TRIM71: variants seen among roughly 807,000 people sequenced by gnomAD.
TRIM71 encodes the protein tripartite motif containing 71, also known as E3 ubiquitin-protein ligase TRIM71.
A neutral mutation model predicts 61.2 loss-of-function variants in TRIM71; 9 were observed. That is an observed-to-expected ratio of 0.15 (90% CI 0.09 to 0.26). The LOEUF is 0.26. Ranked by LOEUF, TRIM71 falls within the 10% of genes least tolerant of loss-of-function variation. TRIM71 has a pLI of 1.00. For synonymous variants in TRIM71, 645 were observed against 553.2 expected (o/e 1.17, Z -2.33); for missense variants, 998 against 1,238.7 (o/e 0.81, Z 2.92).
chr3:32,867,312 AAAG>A, intron 1 of TRIM71, among the ~76,000 whole-genome samples: 2 of 152,362 alleles, frequency 1.3e-5, no homozygotes, highest in African/African-American at 4.8e-5. Context: ...TGGGACTGCA[AAAG>A]AACATTAGTT....
chr3:32,859,330 G>T (rs1449306959), intron 1 of TRIM71, among the ~76,000 whole-genome samples: 1 of 152,138 alleles, frequency 6.6e-6, no homozygotes, highest in African/African-American at 2.4e-5. Context: ...CGTGATGTCG[G>T]CTCACTGCAA....
chr3:32,894,752 C>T lies in TRIM71; in HGVS notation c.*2941C>T, dbSNP rs1183508823. The T allele has an allele frequency of 6.6e-6, 1 of 152,158 alleles. No homozygotes were observed. Among genetic ancestry groups the T allele is most frequent in the Non-Finnish European group, 1.5e-5 (1 of 68,032 alleles). The allele number at this position is 152,158 out of a possible 1,614,324, so 9.4% of individuals were successfully genotyped here. A position where few individuals can be genotyped will look rare whatever the true frequency, so the allele number is the denominator to read the frequency against. Reference sequence around the variant, plus strand: ...TAAATCAAAGAAAGATGATAAAAGCCAACATTTGGCAGTCCCTAGTGTGAA... The same window carrying T: ...TAAATCAAAGAAAGATGATAAAAGCTAACATTTGGCAGTCCCTAGTGTGAA... On this transcript the variant is annotated 3_prime_UTR_variant, in exon 4 of 4. Coordinates refer to ENST00000383763, the MANE Select transcript of TRIM71 (RefSeq NM_001039111.3).
intron 1 of TRIM71, among the ~76,000 whole-genome samples, chr3:32,866,271 T>TG: frequency 6.6e-6 from 1 of 152,088 alleles, no homozygotes; most frequent in African/African-American, 2.4e-5. Flanking sequence ...TGTTTTGAGA[T>TG]GGAGTCTTGC....
chr3:32,819,837 GA>G (rs755773642), intron 1 of TRIM71, among the ~76,000 whole-genome samples: 7 of 152,238 alleles, frequency 4.6e-5, no homozygotes, highest in Non-Finnish European at 1.0e-4. Flanking sequence ...GACTTCCTTG[GA>G]AAAGACCAAG....
At chr3:32,867,042 G>A (rs953047370) in intron 1 of TRIM71, among the ~76,000 whole-genome samples, 21 of 151,978 alleles carry the variant, frequency 1.4e-4, no homozygotes, top group African/African-American at 4.8e-4. Flanking sequence ...CAGAGATAAC[G>A]GCATCCCTCT....
chr3:32,889,914 A>G (rs1039565824), intron 3 of TRIM71, among the ~76,000 whole-genome samples: 2 of 152,012 alleles, frequency 1.3e-5, no homozygotes, highest in East Asian at 1.9e-4. Context: ...GTATGTATGT[A>G]TGTATGTGTA....
At chr3:32,826,972 G>A (rs1696210226) in intron 1 of TRIM71, among the ~76,000 whole-genome samples, 1 of 151,478 alleles carries the variant, frequency 6.6e-6, no homozygotes, top group Non-Finnish European at 1.5e-5. Context: ...CACTGTGTTA[G>A]CCAGGATGGT....
intron 2 of TRIM71, among the ~76,000 whole-genome samples, chr3:32,876,122 T>A (rs1559549023): frequency 6.6e-6 from 1 of 152,236 alleles, no homozygotes; most frequent in African/African-American, 2.4e-5. Flanking sequence ...TGTCTTCACC[T>A]GTGCATCATT....
At chr3:32,834,797 G>A (rs374513150) in intron 1 of TRIM71, among the ~76,000 whole-genome samples, 4 of 152,038 alleles carry the variant, frequency 2.6e-5, no homozygotes, top group African/African-American at 4.8e-5. Flanking sequence ...AGCCGAGATC[G>A]CACGGCTGCA....
intron 1 of TRIM71, among the ~76,000 whole-genome samples, chr3:32,871,755 C>T (rs1297223766): frequency 6.6e-6 from 1 of 152,234 alleles, no homozygotes; most frequent in Non-Finnish European, 1.5e-5. Context: ...CAAGTTGCTG[C>T]TACCTGGTTT....
chr3:32,851,412 TTAGCG>T (rs1435966210), intron 1 of TRIM71, among the ~76,000 whole-genome samples: 17 of 152,350 alleles, frequency 1.1e-4, no homozygotes, highest in Admixed American at 9.2e-4. Context: ...CTTTGAAGAC[TTAGCG>T]TTGTCCTCCT....
intron 1 of TRIM71, among the ~76,000 whole-genome samples, chr3:32,851,000 ATTATTTTTCAAAAC>A (rs1263545738): frequency 4.6e-5 from 7 of 151,792 alleles, no homozygotes; most frequent in Admixed American, 4.6e-4. Context: ...AAAACAAATT[ATTATTTTTCAAAAC>A]AAGCCTCTCC....
intron 1 of TRIM71, among the ~76,000 whole-genome samples, chr3:32,850,532 A>C (rs370869745): frequency 6.6e-6 from 1 of 152,214 alleles, no homozygotes; most frequent in South Asian, 2.1e-4. Flanking sequence ...GGAAATTGTC[A>C]GATTGTCATA....
At chr3:32,819,737 C>T (rs1354199749) in intron 1 of TRIM71, among the ~76,000 whole-genome samples, 2 of 152,174 alleles carry the variant, frequency 1.3e-5, no homozygotes, top group Admixed American at 1.3e-4. Flanking sequence ...GCCTGAGTCT[C>T]TTGGGCCGCG....
Position 32,890,992 on chromosome 3 carries a change from C to T in TRIM71, c.1788C>T (p.Phe596=), listed in dbSNP as rs972142499. 16 of 1,613,986 alleles carry T rather than the reference C, an allele frequency of 9.9e-6. No homozygotes were observed. The highest frequency in any genetic ancestry group is 2.2e-5 in the East Asian group (1 of 44,888). ...GCATTGGGCTCCCGGGCCTGAGCTTCGGCAGTGAGGGTGACAGCGATGGCA... is the reference window on the plus strand; with the variant it reads ...GCATTGGGCTCCCGGGCCTGAGCTTTGGCAGTGAGGGTGACAGCGATGGCA... ...YVGIGLPGLS[F]GSEGDSDGKL... The change falls in exon 4 of 4, where the codon TTC becomes TTT. Residue 596 remains phenylalanine (F), a synonymous_variant. Coordinates refer to ENST00000383763, the MANE Select transcript of TRIM71 (RefSeq NM_001039111.3). This position sits in a 1 kb window ranked among gnomAD's most constrained non-coding sequence, Gnocchi z 6.2.
chr3:32,818,771 C>G lies in TRIM71; in HGVS notation c.691C>G (p.Arg231Gly). The change falls in exon 1 of 4, where the codon CGC (arginine) becomes GGC (glycine). Residue 231 changes from arginine to glycine, a missense_variant. Arg to Gly is a moderately radical substitution (Grantham distance 125). Around this residue, in one of 5 missense-constraint regions of TRIM71, gnomAD observed 527 missense variants for 427.8 expected, o/e 1.23. Transcript: ENST00000383763. ...DNCVRAHQRVRLTKDHYIERG... is the reference protein window; with the variant it reads ...DNCVRAHQRVGLTKDHYIERG... ...CTGCGTCCGAGCGCACCAGCGCGTG[C>G]GCCTCACCAAGGACCACTACATCGA... 6.2e-7 allele frequency: 1 copy of G among 1,607,186 alleles called. No individual in the cohort carries two copies. Among genetic ancestry groups the G allele is most frequent in the Non-Finnish European group, 8.5e-7 (1 of 1,178,422 alleles).
rs191178061 is a variant in TRIM71, at chr3:32,828,037, C to T, written c.852+9105C>T. On this transcript the variant is annotated intron_variant, in intron 1 of 3. Transcript: ENST00000383763. Reference sequence around the variant, plus strand: ...TTGCTGCTAAATATAGATTGGATGACTACTTAAGCACTGGTGTTTTAGAAA... The same window carrying T: ...TTGCTGCTAAATATAGATTGGATGATTACTTAAGCACTGGTGTTTTAGAAA... Among the ~76,000 whole-genome samples, 124 of 152,136 alleles carry T rather than the reference C, an allele frequency of 8.2e-4. 1 individual carries two copies. In the South Asian group the frequency reaches 0.023, roughly 28 times the overall value.
At position 32,873,872 on chromosome 3, in the gene TRIM71, A is replaced by G. The variant is rs372703916; in HGVS notation, c.907A>G (p.Met303Val). The change falls in exon 2 of 4, where the codon ATG (methionine) becomes GTG (valine). Residue 303 changes from methionine to valine, a missense_variant. This residue lies in a region of TRIM71 where 291 missense variants were observed against 431.2 expected (regional missense o/e 0.67). Transcript: ENST00000383763. ...CSVPICRECT[M>V]GRHGGHSFIY... Reference sequence around the variant, plus strand: ...TGTACCCATCTGTCGTGAGTGCACAATGGGCCGGCATGGGGGCCACAGCTT... The same window carrying G: ...TGTACCCATCTGTCGTGAGTGCACAGTGGGCCGGCATGGGGGCCACAGCTT... 1.2e-5 allele frequency: 19 copies of G among 1,613,650 alleles called. No homozygotes were observed. The highest frequency in any genetic ancestry group is 2.2e-5 in the East Asian group (1 of 44,884).
At chr3:32,865,839 T>TTA (rs1696729602) in intron 1 of TRIM71, among the ~76,000 whole-genome samples, 3 of 126,554 alleles carry the variant, frequency 2.4e-5, no homozygotes, top group Non-Finnish European at 5.0e-5. Context: ...TTTTTTTTTT[T>TTA]TTTTAAGACA....
Sources: allele counts gnomAD v4.1 joint callset (sites outside exome capture counted in the v4.1 genomes callset), GRCh38; gene constraint gnomAD v4.1.1; regional missense constraint gnomAD v4.1.1; non-coding constraint Gnocchi (gnomAD v3.1); transcripts MANE v1.5; gene names NCBI Gene and HGNC (gene_info 2026-07-23, HGNC 2026-07-21).